The following UBL3 variants were observed in gnomAD, a reference collection of about 807,000 sequenced individuals.
UBL3 encodes the protein ubiquitin-like protein 3.
Under a neutral mutation model 18.4 loss-of-function variants are expected in UBL3, and 6 were observed. The ratio of observed to expected loss-of-function variants is 0.33; its 90% CI spans 0.18 to 0.64. The LOEUF (loss-of-function observed/expected upper bound fraction) is 0.64. Ranked by LOEUF, UBL3 falls within the 30% of genes least tolerant of loss-of-function variation. The pLI is 0.76. For synonymous variants in UBL3, 49 were observed against 46.6 expected (o/e 1.05, Z -0.21); for missense variants, 109 against 142.9 (o/e 0.76, Z 1.21).
At chr13:29,788,875 GCGCGCGCGCACGCGCA>G (rs1877405333) in intron 1 of UBL3, among the ~76,000 whole-genome samples, 6 of 28,426 alleles carry the variant, frequency 2.1e-4, no homozygotes, top group South Asian at 1.6e-3. Flanking sequence ...GTGTGTGCGC[GCGCGCGCGCACGCGCA>G]CGTGTGTGCG....
chr13:29,765,833 T>C lies in UBL3; in HGVS notation c.*1422A>G, dbSNP rs1390250983. The C allele has an allele frequency of 6.6e-6, 1 of 152,596 alleles. No individual in the cohort carries two copies. The highest frequency in any genetic ancestry group is 1.5e-5 in the Non-Finnish European group (1 of 67,998). 9.5% of individuals were successfully genotyped at this position (152,596 alleles called of 1,614,324 possible). A position where few individuals can be genotyped will look rare whatever the true frequency, so the allele number is the denominator to read the frequency against. On this transcript the variant is annotated 3_prime_UTR_variant, in exon 5 of 5. Transcript: ENST00000380680. Reference sequence around the variant, plus strand: ...TAACATGATTACATTTAAACAACGCTGACCATTTGAAACCATTTACATTTA... The same window carrying C: ...TAACATGATTACATTTAAACAACGCCGACCATTTGAAACCATTTACATTTA...
Position 29,786,483 on chromosome 13 carries a change from AT to A in UBL3, c.28-9221del, listed in dbSNP as rs145504998. Among the ~76,000 whole-genome samples, 44 of 152,288 alleles carry A rather than the reference AT, an allele frequency of 2.9e-4. No individual in the cohort carries two copies. The East Asian group carries it at 8.3e-3, about 29-fold the overall frequency. ...ATCATCCTGGATGAAATAATGACCC[AT>A]TTTTTGAAAAAAAGAGTAGAAAAAG... On this transcript the variant is annotated intron_variant, in intron 1 of 4. Transcript: ENST00000380680.
chr13:29,831,650 T>C (rs985283139), intron 1 of UBL3, among the ~76,000 whole-genome samples: 6 of 145,236 alleles, frequency 4.1e-5, no homozygotes, highest in Non-Finnish European at 7.5e-5. Flanking sequence ...TTCTATATGA[T>C]AGTTGACTAA....
At chr13:29,809,499 A>G (rs1446166866) in intron 1 of UBL3, among the ~76,000 whole-genome samples, 1 of 152,172 alleles carries the variant, frequency 6.6e-6, no homozygotes, top group Non-Finnish European at 1.5e-5. Context: ...TTTAAATATT[A>G]AAGTGGACTG....
chr13:29,829,838 TA>T, intron 1 of UBL3, among the ~76,000 whole-genome samples: 1 of 152,316 alleles, frequency 6.6e-6, no homozygotes, highest in African/African-American at 2.4e-5. Context: ...AACCACCCCC[TA>T]CTCATATTAT....
At chr13:29,770,968 T>G (rs1876826360) in intron 3 of UBL3, among the ~76,000 whole-genome samples, 1 of 152,054 alleles carries the variant, frequency 6.6e-6, no homozygotes, top group Non-Finnish European at 1.5e-5. Flanking sequence ...TCACTTGACA[T>G]TGTCATAAAA....
Position 29,849,726 on chromosome 13 carries a change from TC to T in UBL3, c.-189del. On this transcript the variant is annotated 5_prime_UTR_variant, in exon 1 of 5. Transcript: ENST00000380680. ...GAGGTTCTGGTTCGAAGAGGAACAA[TC>T]CCCAGGAGCTGTGTGGCCGGAGCAG... 1.4e-6 allele frequency: 1 copy of T among 709,638 alleles called. No individual in the cohort carries two copies. Among genetic ancestry groups the T allele is most frequent in the Non-Finnish European group, 2.4e-6 (1 of 424,292 alleles). 44.0% of individuals were successfully genotyped at this position (709,638 alleles called of 1,614,324 possible). A position where few individuals can be genotyped will look rare whatever the true frequency, so the allele number is the denominator to read the frequency against.
intron 2 of UBL3, among the ~76,000 whole-genome samples, chr13:29,776,115 T>G (rs1187749566): frequency 6.6e-6 from 1 of 152,138 alleles, no homozygotes; most frequent in Non-Finnish European, 1.5e-5. Context: ...TTAAATAGGC[T>G]ATCTAGAGAA....
chr13:29,831,593 G>GAAAAAAAAAAAAAAAAAAAAAAAAA (rs375371538), intron 1 of UBL3, among the ~76,000 whole-genome samples: 1 of 61,432 alleles, frequency 1.6e-5, no homozygotes, highest in Admixed American at 1.8e-4. Context: ...CGTCTCAAAA[G>GAAAAAAAAAAAAAAAAAAAAAAAAA]AAAAAAAAAA....
At chr13:29,822,456 A>G (rs1878483729) in intron 1 of UBL3, among the ~76,000 whole-genome samples, 1 of 152,202 alleles carries the variant, frequency 6.6e-6, no homozygotes, top group Non-Finnish European at 1.5e-5. Context: ...GCTCCTTTTG[A>G]TTCTACTGAA....
chr13:29,828,155 T>C (rs1188663954), intron 1 of UBL3, among the ~76,000 whole-genome samples: 1 of 152,152 alleles, frequency 6.6e-6, no homozygotes, highest in Non-Finnish European at 1.5e-5. Flanking sequence ...TAATTATGTG[T>C]CTTGGAGTTG....
At chr13:29,806,130 T>C (rs1028810990) in intron 1 of UBL3, among the ~76,000 whole-genome samples, 4 of 152,140 alleles carry the variant, frequency 2.6e-5, no homozygotes, top group East Asian at 3.9e-4. Context: ...TGAGTCAAGA[T>C]TGCACCACTG....
At chr13:29,814,491 C>G (rs1878213837) in intron 1 of UBL3, among the ~76,000 whole-genome samples, 1 of 151,002 alleles carries the variant, frequency 6.6e-6, no homozygotes, top group Non-Finnish European at 1.5e-5. Context: ...TTTGGGATGC[C>G]AAGCCAAATT....
chr13:29,832,908 G>C (rs1878818856), intron 1 of UBL3, among the ~76,000 whole-genome samples: 1 of 152,188 alleles, frequency 6.6e-6, no homozygotes, highest in South Asian at 2.1e-4. Context: ...ACAAGTTTCA[G>C]GTGCAAATGG....
At chr13:29,779,909 C>T (rs1306492412) in intron 1 of UBL3, among the ~76,000 whole-genome samples, 1 of 152,096 alleles carries the variant, frequency 6.6e-6, no homozygotes, top group African/African-American at 2.4e-5. Context: ...CTCGTCTGTA[C>T]CACAGCGGCC....
intron 1 of UBL3, among the ~76,000 whole-genome samples, chr13:29,788,991 C>G (rs754810573): frequency 6.6e-6 from 1 of 152,028 alleles, no homozygotes; most frequent in Non-Finnish European, 1.5e-5. Flanking sequence ...CCTCCACCTC[C>G]TGGGCTCAAG....
intron 1 of UBL3, among the ~76,000 whole-genome samples, chr13:29,782,822 G>C (rs1203964516): frequency 1.3e-5 from 2 of 152,172 alleles, no homozygotes; most frequent in Non-Finnish European, 2.9e-5. Context: ...AAGTCTTATA[G>C]CAAAACTGCT....
intron 2 of UBL3, among the ~76,000 whole-genome samples, chr13:29,773,526 T>C (rs1876901643): frequency 6.6e-6 from 1 of 152,210 alleles, no homozygotes; most frequent in Non-Finnish European, 1.5e-5. Context: ...CAAAGGTAAA[T>C]GACAGTAATT....
intron 2 of UBL3, among the ~76,000 whole-genome samples, chr13:29,773,458 T>C (rs532812555): frequency 3.3e-5 from 5 of 152,318 alleles, no homozygotes; most frequent in African/African-American, 9.6e-5. Flanking sequence ...AATTCATCAA[T>C]TCCAAAATTA....
Sources: allele counts gnomAD v4.1 joint callset (sites outside exome capture counted in the v4.1 genomes callset), GRCh38; gene constraint gnomAD v4.1.1; transcripts MANE v1.5; gene names NCBI Gene and HGNC (gene_info 2026-07-23, HGNC 2026-07-21).